NEGR1: variants seen among roughly 807,000 people sequenced by gnomAD.
The protein encoded by NEGR1 is neuronal growth regulator 1, also known as IgLON family member 4.
NEGR1 carries 10 observed loss-of-function variants against 40.9 expected under a neutral mutation model. The ratio of observed to expected loss-of-function variants is 0.24; its 90% CI spans 0.15 to 0.42. NEGR1 has a LOEUF of 0.42. Among genes scored for constraint, NEGR1 ranks in the 10% least tolerant of loss-of-function variants. NEGR1 has a pLI of 1.00. For synonymous variants in NEGR1, 185 were observed against 166.8 expected, an observed-to-expected ratio of 1.11 and a Z score of -0.84; for missense variants, 352 against 438.9, an observed-to-expected ratio of 0.80 and a Z score of 1.77.
At chr1:72,110,221 T>TAAAAAAAAAAAAAAAAAAAAA (rs57618301) in intron 1 of NEGR1, among the ~76,000 whole-genome samples, 1 of 106,988 alleles carries the variant, frequency 9.3e-6, no homozygotes, top group Non-Finnish European at 1.9e-5. Context: ...TAGAGTATAA[T>TAAAAAAAAAAAAAAAAAAAAA]AAAAAAAAAA....
intron 3 of NEGR1, among the ~76,000 whole-genome samples, chr1:71,765,159 C>G (rs1309273954): frequency 6.6e-6 from 1 of 152,142 alleles, no homozygotes; most frequent in Non-Finnish European, 1.5e-5. Context: ...ACTGTGACAC[C>G]TGCACAGTTG....
chr1:71,973,840 G>C (rs984209444), intron 1 of NEGR1, among the ~76,000 whole-genome samples: 1 of 152,054 alleles, frequency 6.6e-6, no homozygotes, highest in African/African-American at 2.4e-5. Flanking sequence ...TTGGCTTGTG[G>C]CTTCTTGTGT....
At chr1:72,235,525 G>A (rs552065533) in intron 1 of NEGR1, among the ~76,000 whole-genome samples, 6 of 152,032 alleles carry the variant, frequency 3.9e-5, no homozygotes, top group Middle Eastern at 3.4e-3. Flanking sequence ...TGTAAAATAG[G>A]AAATATAAAC....
chr1:71,403,876 C>A lies in NEGR1; in HGVS notation c.*3570G>T, dbSNP rs1646260450. ...TAAAGTAAATACATATTCAAAGAATCTTAAGGCATACCATTTATTCATATT... is the reference window on the plus strand; with the variant it reads ...TAAAGTAAATACATATTCAAAGAATATTAAGGCATACCATTTATTCATATT... On this transcript the variant is annotated 3_prime_UTR_variant, in exon 7 of 7. Coordinates refer to ENST00000357731, the MANE Select transcript of NEGR1 (RefSeq NM_173808.3). 2.6e-6 allele frequency: 1 copy of A among 383,104 alleles called. No homozygotes were observed. Among genetic ancestry groups the A allele is most frequent in the African/African-American group, 2.1e-5 (1 of 48,236 alleles). 23.7% of individuals were successfully genotyped at this position (383,104 alleles called of 1,614,324 possible). A position where few individuals can be genotyped will look rare whatever the true frequency, so the allele number is the denominator to read the frequency against.
intron 6 of NEGR1, among the ~76,000 whole-genome samples, chr1:71,576,977 T>C (rs779475543): frequency 5.1e-4 from 77 of 152,230 alleles, no homozygotes; most frequent in Non-Finnish European, 8.4e-4. Context: ...GAACTGTCTA[T>C]TGTGGGCTTC....
At chr1:71,932,822 C>G (rs1456130375) in intron 2 of NEGR1, among the ~76,000 whole-genome samples, 1 of 152,006 alleles carries the variant, frequency 6.6e-6, no homozygotes, top group East Asian at 1.9e-4. Context: ...AATTTAGGGA[C>G]TGAAGAGGTG....
intron 1 of NEGR1, among the ~76,000 whole-genome samples, chr1:72,191,388 G>A (rs1334967303): frequency 1.3e-5 from 2 of 151,688 alleles, no homozygotes; most frequent in African/African-American, 4.8e-5. Flanking sequence ...GATAGTTTAT[G>A]CTGAGATCAT....
At chr1:71,665,902 G>T (rs1557605086) in intron 4 of NEGR1, among the ~76,000 whole-genome samples, 1 of 151,918 alleles carries the variant, frequency 6.6e-6, no homozygotes, top group Non-Finnish European at 1.5e-5. Flanking sequence ...TGGTTCTTTG[G>T]TGCCTACAAG....
intron 4 of NEGR1, among the ~76,000 whole-genome samples, chr1:71,649,754 G>C (rs1400445355): frequency 6.6e-6 from 1 of 152,058 alleles, no homozygotes; most frequent in Non-Finnish European, 1.5e-5. Flanking sequence ...GTTCTCCCTG[G>C]CAGAGTTTCC....
chr1:72,235,379 T>C (rs989250275), intron 1 of NEGR1, among the ~76,000 whole-genome samples: 3 of 152,000 alleles, frequency 2.0e-5, no homozygotes, highest in African/African-American at 2.4e-5. Context: ...AATCAGGCAA[T>C]GGAAATTCAC....
At chr1:72,139,610 A>G (rs1244715148) in intron 1 of NEGR1, among the ~76,000 whole-genome samples, 1 of 152,104 alleles carries the variant, frequency 6.6e-6, no homozygotes, top group African/African-American at 2.4e-5. Flanking sequence ...GAATATCCCT[A>G]TATCTAACAA....
intron 6 of NEGR1, among the ~76,000 whole-genome samples, chr1:71,454,110 G>A (rs1646652563): frequency 6.6e-6 from 1 of 152,072 alleles, no homozygotes; most frequent in African/African-American, 2.4e-5. Context: ...CATTTCTCAA[G>A]AATATTCCCA....
At position 71,444,511 on chromosome 1, in the gene NEGR1, C is replaced by T. The variant is rs574833560; in HGVS notation, c.941-36941G>A. Among the ~76,000 whole-genome samples, 9 of 152,160 alleles carry T rather than the reference C, an allele frequency of 5.9e-5. No individual in the cohort carries two copies. The East Asian group carries it at 1.7e-3, about 29-fold the overall frequency. ...CCATGACACGTGGGATATCATTCTTCTTTTGATATAAGAAATCCATTTAAA... is the reference window on the plus strand; with the variant it reads ...CCATGACACGTGGGATATCATTCTTTTTTTGATATAAGAAATCCATTTAAA... On this transcript the variant is annotated intron_variant, in intron 6 of 6. Transcript: ENST00000357731.
In NEGR1 at chr1:71,927,818, T is replaced by TAAAAAAAAAAAA. The variant is rs35429988; in HGVS notation, c.409+7249_409+7260dup. ...GGGCAACATGGCAAGACCCAATCTC[T>TAAAAAAAAAAAA]AAAAAAAAAAAAAAAAAAAAAAAAA... On this transcript the variant is annotated intron_variant, in intron 2 of 6. Coordinates refer to ENST00000357731, the MANE Select transcript of NEGR1 (RefSeq NM_173808.3). Among the ~76,000 whole-genome samples, 10 of 22,448 alleles carry TAAAAAAAAAAAA rather than the reference T, an allele frequency of 4.5e-4. 1 individual carries two copies. Among genetic ancestry groups the TAAAAAAAAAAAA allele is most frequent in the Admixed American group, 2.3e-3 (3 of 1,286 alleles). The allele number at this position is 22,448 out of a possible 152,430, so 14.7% of individuals were successfully genotyped here. A position where few individuals can be genotyped will look rare whatever the true frequency, so the allele number is the denominator to read the frequency against.
intron 1 of NEGR1, among the ~76,000 whole-genome samples, chr1:72,195,605 A>G (rs6656980): frequency 0.21 from 31,336 of 151,688 alleles, 3,747 homozygotes; most frequent in South Asian, 0.28. Context: ...ATTTATTTGT[A>G]TGTTTCTGCA....
chr1:71,776,171 C>T lies in NEGR1; in HGVS notation c.535+1G>A, dbSNP rs1656500777. On this transcript the variant is annotated splice_donor_variant, in intron 3 of 6. Coordinates refer to ENST00000357731, the MANE Select transcript of NEGR1 (RefSeq NM_173808.3). LOFTEE classifies it high-confidence loss of function. ...ACAACACTAATGCATTCCTACTTTA[C>T]CTGATGGGGAGATGTGTCGCCAAGA... 6.2e-7 allele frequency: 1 copy of T among 1,607,984 alleles called. No individual in the cohort carries two copies.
rs182381209 is a variant in NEGR1, at chr1:71,547,716, C to T, written c.940+45101G>A. 4.1e-3 allele frequency among the ~76,000 whole-genome samples: 624 copies of T among 151,764 alleles called. 4 individuals carry two copies. The highest frequency in any genetic ancestry group is 6.5e-3 in the Non-Finnish European group (441 of 67,776). ...AAAAATAAGAAGGCAGGGGAGAGCA[C>T]TGCTTTGCCAGTTCTATGCAGCCAT... is the stretch of plus-strand genomic sequence containing the variant. On this transcript the variant is annotated intron_variant, in intron 6 of 6. Transcript: ENST00000357731.
At chr1:72,238,022 C>T (rs1436122728) in intron 1 of NEGR1, among the ~76,000 whole-genome samples, 1 of 151,848 alleles carries the variant, frequency 6.6e-6, no homozygotes, top group East Asian at 1.9e-4. Flanking sequence ...CCTTGAAAAC[C>T]ATATTTCATT....
intron 2 of NEGR1, among the ~76,000 whole-genome samples, chr1:71,860,965 G>A (rs1426517830): frequency 6.6e-6 from 1 of 151,904 alleles, no homozygotes; most frequent in African/African-American, 2.4e-5. Flanking sequence ...AGTGAGAAGA[G>A]GCCATTGAGA....
Sources: gnomAD v4.1 joint callset for allele counts (sites outside exome capture counted in the v4.1 genomes callset) on GRCh38, gnomAD v4.1.1 for gene constraint, MANE v1.5 for transcripts, NCBI Gene and HGNC (gene_info 2026-07-23, HGNC 2026-07-21) for gene names.